PHLDB2: variants seen among roughly 807,000 people sequenced by gnomAD.
PHLDB2 encodes pleckstrin homology like domain family B member 2.
A neutral mutation model predicts 123.6 loss-of-function variants in PHLDB2; 71 were observed. The ratio of observed to expected loss-of-function variants is 0.57; its 90% confidence interval spans 0.47 to 0.70. PHLDB2 has a LOEUF of 0.70. Ranked by LOEUF, PHLDB2 falls within the 30% of genes least tolerant of loss-of-function variation. PHLDB2 has a pLI of 0.00. For synonymous variants in PHLDB2, 547 were observed against 541.6 expected, an observed-to-expected ratio of 1.01 and a Z score of -0.14; for missense variants, 1,446 against 1,519.5, an observed-to-expected ratio of 0.95 and a Z score of 0.80.
Position 111,973,670 on chromosome 3 carries a change from AATT to A in PHLDB2, c.3536-55_3536-53del, listed in dbSNP as rs562947908. 1,417 of 889,340 alleles carry A rather than the reference AATT, an allele frequency of 1.6e-3. 12 individuals are homozygous for A. In the African/African-American group the frequency reaches 0.02, roughly 13 times the overall value. 55.1% of individuals were successfully genotyped at this position (889,340 alleles called of 1,614,324 possible). ...ATTTTAATGATTATAATTGTAATAAAATTATTATTTTTTCTGTTCCTCAGTGGC... is the reference window on the plus strand; with the variant it reads ...ATTTTAATGATTATAATTGTAATAAAATTATTTTTTCTGTTCCTCAGTGGC... On this transcript the variant is annotated intron_variant, in intron 16 of 17. Coordinates refer to ENST00000431670, the MANE Select transcript of PHLDB2 (RefSeq NM_001134438.2).
At chr3:111,963,573 A>G (rs2071554120) in intron 13 of PHLDB2, among the ~76,000 whole-genome samples, 1 of 152,208 alleles carries the variant, frequency 6.6e-6, no homozygotes, top group African/African-American at 2.4e-5. Context: ...TGTCTGACTC[A>G]TGTAACTTTC....
chr3:111,860,611 T>C (rs995050200), intron 1 of PHLDB2, among the ~76,000 whole-genome samples: 3 of 152,214 alleles, frequency 2.0e-5, no homozygotes, highest in Admixed American at 6.5e-5. Context: ...TGGGGTTTCC[T>C]GTTTGAAAGA....
chr3:111,848,309 G>C (rs577197875), intron 2 of PHLDB2, among the ~76,000 whole-genome samples: 2 of 152,082 alleles, frequency 1.3e-5, no homozygotes, highest in Non-Finnish European at 2.9e-5. Context: ...GTTACCCCCC[G>C]CCACCTGCCA....
intron 12 of PHLDB2, among the ~76,000 whole-genome samples, chr3:111,955,349 G>A (rs1455177895): frequency 6.6e-6 from 1 of 151,908 alleles, no homozygotes; most frequent in Non-Finnish European, 1.5e-5. Flanking sequence ...TTCTTTTGAT[G>A]TTTATAAATA....
chr3:111,758,424 T>C (rs931437987), intron 1 of PHLDB2, among the ~76,000 whole-genome samples: 1 of 152,150 alleles, frequency 6.6e-6, no homozygotes, highest in Non-Finnish European at 1.5e-5. Flanking sequence ...CGGGATATAA[T>C]CTCCTGGTGC....
At chr3:111,902,217 C>T (rs2067244031) in intron 2 of PHLDB2, among the ~76,000 whole-genome samples, 1 of 152,070 alleles carries the variant, frequency 6.6e-6, no homozygotes, top group Non-Finnish European at 1.5e-5. Flanking sequence ...AAAAACAAGT[C>T]AGGAAAACGT....
chr3:111,855,286 C>G (rs1446275296), upstream of PHLDB2, among the ~76,000 whole-genome samples: 1 of 152,174 alleles, frequency 6.6e-6, no homozygotes, highest in Non-Finnish European at 1.5e-5. Context: ...TAGTTTACAA[C>G]ACAATATCTC....
At chr3:111,751,622 G>A (rs958016743) in intron 1 of PHLDB2, among the ~76,000 whole-genome samples, 3 of 142,890 alleles carry the variant, frequency 2.1e-5, no homozygotes, top group African/African-American at 7.7e-5. Flanking sequence ...TGTGGATTGG[G>A]TAACAAGACA....
intron 1 of PHLDB2, among the ~76,000 whole-genome samples, chr3:111,830,970 A>AGAG (rs2062964672): frequency 2.5e-5 from 1 of 40,398 alleles, no homozygotes; most frequent in Non-Finnish European, 4.4e-5. Context: ...AGAAAGAAAG[A>AGAG]AAGAAAGAAA....
At chr3:111,890,661 AT>A (rs1013068602) in intron 2 of PHLDB2, among the ~76,000 whole-genome samples, 1 of 151,964 alleles carries the variant, frequency 6.6e-6, no homozygotes, top group African/African-American at 2.4e-5. Flanking sequence ...TTTCACCTGG[AT>A]TTTTTTTAAT....
rs532232065 is a variant in PHLDB2 at position 111,924,664 on chromosome 3, A to G, written c.2001+4245A>G. ...CTGTTGCTGTGGTCAGATATAAACC[A>G]TGGAATGAGAAAAGCAAAACCTGAA... On this transcript the variant is annotated intron_variant, in intron 5 of 17. Transcript: ENST00000431670. Among the ~76,000 whole-genome samples, 53 of 152,332 alleles carry G rather than the reference A, an allele frequency of 3.5e-4. 1 individual carries two copies. The highest frequency in any genetic ancestry group is 5.3e-4 in the Non-Finnish European group (36 of 68,026).
chr3:111,819,303 TACA>T (rs752272095), intron 1 of PHLDB2, among the ~76,000 whole-genome samples: 6 of 152,192 alleles, frequency 3.9e-5, no homozygotes, highest in Non-Finnish European at 8.8e-5. Flanking sequence ...CATCCTAGTT[TACA>T]ACGACAAATC....
intron 1 of PHLDB2, among the ~76,000 whole-genome samples, chr3:111,782,284 G>A (rs1196143048): frequency 1.3e-5 from 2 of 152,088 alleles, no homozygotes; most frequent in African/African-American, 2.4e-5. Context: ...CAGTCCAATG[G>A]CCACTCTTGA....
chr3:111,769,890 AT>A (rs777231625), intron 1 of PHLDB2, among the ~76,000 whole-genome samples: 1 of 152,252 alleles, frequency 6.6e-6, no homozygotes, highest in Non-Finnish European at 1.5e-5. Context: ...GCTGGGTTAA[AT>A]ATATCTGTGT....
intron 1 of PHLDB2, among the ~76,000 whole-genome samples, chr3:111,791,980 C>G (rs905018945): frequency 2.0e-5 from 3 of 152,212 alleles, no homozygotes; most frequent in African/African-American, 7.2e-5. Context: ...CTTCCATCCC[C>G]TAACCAGCCT....
intron 2 of PHLDB2, among the ~76,000 whole-genome samples, chr3:111,908,041 C>G (rs2067659382): frequency 6.6e-6 from 1 of 152,158 alleles, no homozygotes; most frequent in South Asian, 2.1e-4. Flanking sequence ...ACTGATTGAT[C>G]AGTTTCCCAC....
At chr3:111,913,938 C>A in intron 3 of PHLDB2, 2 of 532,686 alleles carry the variant, frequency 3.8e-6, no homozygotes, top group Non-Finnish European at 6.6e-6. Flanking sequence ...GCACATTTCT[C>A]TTCTCCCTGC....
At position 111,969,702 on chromosome 3, in the gene PHLDB2, A is replaced by T. The variant is rs1249930189; in HGVS notation, c.3328A>T (p.Thr1110Ser). 6.2e-7 allele frequency: 1 copy of T among 1,613,914 alleles called. No individual in the cohort carries two copies. Among genetic ancestry groups the T allele is most frequent in the South Asian group, 1.1e-5 (1 of 91,078 alleles). The change falls in exon 16 of 18, where the codon ACA becomes TCA. Residue 1110 changes from threonine to serine, a missense_variant. By Grantham distance (58) the Thr-to-Ser change is moderately conservative. Transcript: ENST00000431670. ...ERQRAQARPL[T>S]RYLPVRKEDF... ...TGCACTTTTCCAGGCTCGTCCTTTGACACGCTACCTGCCTGTCCGGAAGGA... is the reference window on the plus strand; with the variant it reads ...TGCACTTTTCCAGGCTCGTCCTTTGTCACGCTACCTGCCTGTCCGGAAGGA...
At chr3:111,959,058 C>T (rs1245127876) in intron 12 of PHLDB2, among the ~76,000 whole-genome samples, 1 of 152,248 alleles carries the variant, frequency 6.6e-6, no homozygotes, top group Non-Finnish European at 1.5e-5. Context: ...TACTGCCATT[C>T]TAGTGTTCCT....
Sources: allele counts gnomAD v4.1 joint callset (sites outside exome capture counted in the v4.1 genomes callset), GRCh38; gene constraint gnomAD v4.1.1; transcripts MANE v1.5; gene names NCBI Gene and HGNC (gene_info 2026-07-23, HGNC 2026-07-21).